The following PTPRC variants were observed in gnomAD, a reference collection of about 807,000 sequenced individuals.
PTPRC encodes the protein protein tyrosine phosphatase receptor type C.
Under a neutral mutation model 155.9 loss-of-function variants are expected in PTPRC, and 44 were observed. That is an observed-to-expected ratio of 0.28 (90% CI 0.22 to 0.36). The LOEUF is 0.36. PTPRC is among the 10% of genes least tolerant of loss of function. The pLI is 1.00. For synonymous variants in PTPRC, 525 were observed against 533.1 expected, an observed-to-expected ratio of 0.98 and a Z score of 0.21; for missense variants, 1,401 against 1,564.6, an observed-to-expected ratio of 0.90 and a Z score of 1.76.
chr1:198,709,215 A>T (rs749031668), intron 10 of PTPRC, among the ~76,000 whole-genome samples: 12 of 152,232 alleles, frequency 7.9e-5, no homozygotes, highest in Non-Finnish European at 1.6e-4. Flanking sequence ...GAGTGCCAAC[A>T]TGATGCGGCT....
At chr1:198,755,140 AG>A (rs764870628) in intron 32 of PTPRC, among the ~76,000 whole-genome samples, 11 of 152,108 alleles carry the variant, frequency 7.2e-5, no homozygotes, top group Non-Finnish European at 1.2e-4. Context: ...CCCAGATTCA[AG>A]GGGTAGGGAA....
rs781080051 is a variant in PTPRC, at chr1:198,639,320, G to A, written c.52G>A (p.Asp18Asn). Residue 18 changes from aspartate (D) to asparagine (N), a missense_variant, in exon 2 of 33, where the codon GAC becomes AAC. By Grantham distance (23) the Asp-to-Asn change is conservative. Around this residue, in one of 3 missense-constraint regions of PTPRC, gnomAD observed 867 missense variants for 970.4 expected, o/e 0.89. Transcript: ENST00000442510. ...CTTGGCATTTGGCTTTGCCTTTCTG[G>A]ACACAGAAGTATTTGTGACAGGTAA... ...KLLAFGFAFL[D>N]TEVFVTGQSP... 1.2e-6 allele frequency: 2 copies of A among 1,612,178 alleles called. No individual in the cohort carries two copies. Among genetic ancestry groups the A allele is most frequent in the African/African-American group, 1.3e-5 (1 of 74,830 alleles).
chr1:198,705,004 A>G (rs1233832539), intron 8 of PTPRC, among the ~76,000 whole-genome samples: 1 of 152,162 alleles, frequency 6.6e-6, no homozygotes, highest in African/African-American at 2.4e-5. Context: ...ATAAATATAA[A>G]ATGTGGATAA....
chr1:198,724,764 T>C (rs1654052408), intron 15 of PTPRC, among the ~76,000 whole-genome samples: 1 of 152,000 alleles, frequency 6.6e-6, no homozygotes, highest in Non-Finnish European at 1.5e-5. Flanking sequence ...TCTTTATTCT[T>C]GGTCTTACCT....
intron 2 of PTPRC, among the ~76,000 whole-genome samples, chr1:198,690,191 T>A (rs1043665319): frequency 1.3e-5 from 2 of 152,194 alleles, no homozygotes; most frequent in Non-Finnish European, 1.5e-5. Flanking sequence ...TTTGGTGATA[T>A]GTTTTGTTCT....
At chr1:198,747,058 A>G (rs1655167491) in intron 26 of PTPRC, among the ~76,000 whole-genome samples, 1 of 151,698 alleles carries the variant, frequency 6.6e-6, no homozygotes, top group Non-Finnish European at 1.5e-5. Context: ...GTACATGAGG[A>G]GCCTTCTCAG....
At chr1:198,667,320 A>G (rs1373056149) in intron 2 of PTPRC, among the ~76,000 whole-genome samples, 23 of 152,212 alleles carry the variant, frequency 1.5e-4, no homozygotes, top group Admixed American at 1.5e-3. Flanking sequence ...AGCATTTAAC[A>G]AGGAAGAATG....
chr1:198,756,078 A>G lies in PTPRC; in HGVS notation c.3818A>G (p.Glu1273Gly). 1 of 1,613,488 alleles carries G rather than the reference A, an allele frequency of 6.2e-7. No homozygotes were observed. Among genetic ancestry groups the G allele is most frequent in the Non-Finnish European group, 8.5e-7 (1 of 1,179,680 alleles). ...CTTGGTGCCCCAGAAAAGCTCCCTGAAGCAAAGGAACAGGCTGAAGGTTCT... is the reference window on the plus strand; with the variant it reads ...CTTGGTGCCCCAGAAAAGCTCCCTGGAGCAAAGGAACAGGCTGAAGGTTCT... ...NPLGAPEKLP[E>G]AKEQAEGSEP... is the part of the protein sequence containing the mutation. The change falls in exon 33 of 33, where the codon GAA becomes GGA. Residue 1273 changes from glutamate (E) to glycine (G), a missense_variant. Physicochemically the swap from Glu to Gly is moderately conservative, Grantham distance 98. Around this residue, in one of 3 missense-constraint regions of PTPRC, gnomAD observed 400 missense variants for 389.5 expected, o/e 1.03. Transcript: ENST00000442510.
intron 9 of PTPRC, among the ~76,000 whole-genome samples, chr1:198,707,828 G>A (rs540138763): frequency 2.6e-5 from 4 of 152,150 alleles, no homozygotes; most frequent in Non-Finnish European, 5.9e-5. Flanking sequence ...TGGAATGAGT[G>A]TTTTTTAAAA....
At chr1:198,660,552 G>A (rs939742636) in intron 2 of PTPRC, 3 of 151,778 alleles carry the variant, frequency 2.0e-5, no homozygotes, top group African/African-American at 7.3e-5. Flanking sequence ...CAGGACAACA[G>A]GTAGAGGTTA....
chr1:198,730,424 A>G (rs1475499577), intron 17 of PTPRC, among the ~76,000 whole-genome samples: 2 of 152,126 alleles, frequency 1.3e-5, no homozygotes, highest in Non-Finnish European at 2.9e-5. Context: ...GAAAGCGTGG[A>G]GGCTTTTTTC....
chr1:198,737,005 T>C (rs12141195), intron 23 of PTPRC, among the ~76,000 whole-genome samples: 13,901 of 151,816 alleles, frequency 0.092, 823 homozygotes, highest in Non-Finnish European at 0.13. Context: ...GAAATGTCTA[T>C]TCAGATCTTT....
chr1:198,755,857 A>G (rs1655622454), intron 32 of PTPRC, 49 bp from the exon 33 acceptor site: 2 of 1,536,388 alleles, frequency 1.3e-6, no homozygotes, highest in Non-Finnish European at 1.8e-6. Flanking sequence ...GCATAAAAAT[A>G]ATGACATCAA....
chr1:198,752,699 C>A lies in PTPRC; in HGVS notation c.3436C>A (p.Gln1146Lys). ...AATCTCTATGATTCAGGTCGTCAAA[C>A]AAAAACTTCCCCAGAAGAATTCCTC... ...ELISMIQVVK[Q>K]KLPQKNSSEG... The change falls in exon 31 of 33, where the codon CAA becomes AAA. Residue 1146 changes from glutamine (Q) to lysine (K), a missense_variant. By Grantham distance (53) the Gln-to-Lys change is moderately conservative (BLOSUM62 1). This residue lies in a region of PTPRC where 400 missense variants were observed against 389.5 expected (regional missense o/e 1.03). Transcript: ENST00000442510. 1 of 1,612,956 alleles carries A rather than the reference C, an allele frequency of 6.2e-7. No homozygotes were observed. The highest frequency in any genetic ancestry group is 8.5e-7 in the Non-Finnish European group (1 of 1,179,406).
intron 12 of PTPRC, among the ~76,000 whole-genome samples, chr1:198,715,522 CTT>C (rs1653543809): frequency 6.6e-6 from 1 of 151,832 alleles, no homozygotes; most frequent in Admixed American, 6.6e-5. Context: ...GGGAAGAGAT[CTT>C]TTGTGCTTTA....
rs749074048 is a variant in PTPRC at position 198,728,305 on chromosome 1, A to T, written c.1721-35A>T. The T allele has an allele frequency of 1.1e-5, 17 of 1,551,898 alleles. No homozygotes were observed. The Admixed American group carries it at 2.8e-4, about 26-fold the overall frequency. ...CAACCAGTCTAGCAAGTTATTTGAC[A>T]ATCGTTCTCTGAATGTATTATTTTT... is the stretch of plus-strand genomic sequence containing the variant. On this transcript the variant is annotated intron_variant, in intron 15 of 32. Transcript: ENST00000442510.
chr1:198,754,458 T>C, intron 32 of PTPRC, 54 bp downstream of exon 32: 1 of 1,596,378 alleles, frequency 6.3e-7, no homozygotes, highest in Non-Finnish European at 8.6e-7. Context: ...TTTTTCTTTT[T>C]GACGGTTTCC....
intron 2 of PTPRC, among the ~76,000 whole-genome samples, chr1:198,646,635 A>G (rs1355967321): frequency 1.3e-5 from 2 of 151,918 alleles, no homozygotes; most frequent in African/African-American, 4.8e-5. Flanking sequence ...TCTTTGAGCT[A>G]GATTCATTTT....
intron 22 of PTPRC, 86 bp downstream of exon 22, chr1:198,734,511 G>T (rs1334049970): frequency 2.8e-6 from 3 of 1,083,624 alleles, no homozygotes; most frequent in Non-Finnish European, 4.3e-6. Context: ...ACATGTATCT[G>T]CCTGATGACT....
Sources: allele counts gnomAD v4.1 joint callset (sites outside exome capture counted in the v4.1 genomes callset), GRCh38; gene constraint gnomAD v4.1.1; regional missense constraint gnomAD v4.1.1; transcripts MANE v1.5; gene names NCBI Gene and HGNC (gene_info 2026-07-23, HGNC 2026-07-21).